Variants in CA14 observed in about 807,000 individuals in gnomAD.
CA14 encodes carbonic anhydrase 14, also known as CA-XIV.
In CA14, 44 loss-of-function variants were observed where a neutral mutation model predicts 48.8. The observed-to-expected ratio is 0.90, with a 90% confidence interval of 0.71 to 1.16. The LOEUF (loss-of-function observed/expected upper bound fraction) is 1.16. CA14 is among the 50% of genes most tolerant of loss of function. CA14 has a pLI of 0.00. For missense variants in CA14, 386 were observed against 401.0 expected, an observed-to-expected ratio of 0.96 and a Z score of 0.32; for synonymous variants, 154 against 155.0, an observed-to-expected ratio of 0.99 and a Z score of 0.05.
chr1:150,264,581 T>A lies in CA14; in HGVS notation c.948-12T>A. On this transcript the variant is annotated splice_polypyrimidine_tract_variant and intron_variant, in intron 10 of 10. Coordinates refer to ENST00000369111, the MANE Select transcript of CA14 (RefSeq NM_012113.3). Reference sequence around the variant, plus strand: ...GATAGCAGTCATTCTCATGAGCCATTCCCCTTTCCAGGAAGAAGAGGCTGG... The same window carrying A: ...GATAGCAGTCATTCTCATGAGCCATACCCCTTTCCAGGAAGAAGAGGCTGG... 2.6e-6 allele frequency: 4 copies of A among 1,534,736 alleles called. No homozygotes were observed. The highest frequency in any genetic ancestry group is 3.6e-6 in the Non-Finnish European group (4 of 1,107,900).
chr1:150,263,821 T>C lies in CA14; in HGVS notation c.890T>C (p.Ile297Thr), dbSNP rs1405806239. 1 of 1,613,992 alleles carries C rather than the reference T, an allele frequency of 6.2e-7. No homozygotes were observed. Among genetic ancestry groups the C allele is most frequent in the Admixed American group, 1.7e-5 (1 of 59,998 alleles). Residue 297 changes from isoleucine to threonine, a missense_variant, in exon 10 of 11, where the codon ATC (isoleucine) becomes ACC (threonine). Coordinates refer to ENST00000369111, the MANE Select transcript of CA14 (RefSeq NM_012113.3). ...GAAATGCTGAGTCTAGGTGTAGGAATCTTGGTTGGCTGTCTCTGCCTTCTC... is the reference window on the plus strand; with the variant it reads ...GAAATGCTGAGTCTAGGTGTAGGAACCTTGGTTGGCTGTCTCTGCCTTCTC... ...TGEMLSLGVG[I>T]LVGCLCLLLA...
At chr1:150,260,251 GGGA>G (rs782584258) in intron 2 of CA14, 80 bp downstream of exon 2, 17 of 1,405,972 alleles carry the variant, frequency 1.2e-5, no homozygotes, top group Non-Finnish European at 1.6e-5. Context: ...CTGTGCGGGT[GGGA>G]GGAGACTTCC....
Position 150,257,958 on chromosome 1 carries a change from C to T in CA14, c.-171C>T. The T allele has an allele frequency of 2.2e-6, 1 of 450,290 alleles. No individual in the cohort carries two copies. The highest frequency in any genetic ancestry group is 4.0e-6 in the Non-Finnish European group (1 of 247,244). The allele number at this position is 450,290 out of a possible 1,614,324, so 27.9% of individuals were successfully genotyped here. On this transcript the variant is annotated 5_prime_UTR_variant, in exon 1 of 11. Transcript: ENST00000369111. ...GATACCCTACTGAACACCGAATCCCCTGGAAGCCCACAGAGACAGAGACAG... is the reference window on the plus strand; with the variant it reads ...GATACCCTACTGAACACCGAATCCCTTGGAAGCCCACAGAGACAGAGACAG...
intron 2 of CA14, 134 bp from the exon 3 acceptor site, chr1:150,261,324 TG>T: frequency 1.4e-6 from 1 of 733,114 alleles, no homozygotes; most frequent in East Asian, 2.7e-5. Context: ...GGTCTTAACC[TG>T]GGTGGAGGGA....
chr1:150,259,572 G>A (rs1553847338), intron 1 of CA14, among the ~76,000 whole-genome samples: 1 of 151,970 alleles, frequency 6.6e-6, no homozygotes, highest in African/African-American at 2.4e-5. Context: ...TCCTGGTGAT[G>A]AGGAGTTTCC....
rs1553848091 is a variant in CA14 at position 150,262,519 on chromosome 1, C to T, written c.400-6C>T. 6.2e-7 allele frequency: 1 copy of T among 1,611,038 alleles called. No homozygotes were observed. The highest frequency in any genetic ancestry group is 1.3e-5 in the African/African-American group (1 of 74,812). On this transcript the variant is annotated splice_polypyrimidine_tract_variant and splice_region_variant and intron_variant, in intron 4 of 10. Coordinates refer to ENST00000369111, the MANE Select transcript of CA14 (RefSeq NM_012113.3). ...CCATGATTCAATTCCCTCTTCCTTC[C>T]TTTAGCTCCACATTGTACATTATGA... is the stretch of plus-strand genomic sequence containing the variant.
chr1:150,258,753 GGAGCTCCCAGGA>G (rs1431449825), intron 1 of CA14, among the ~76,000 whole-genome samples: 3 of 152,210 alleles, frequency 2.0e-5, no homozygotes, highest in Non-Finnish European at 4.4e-5. Flanking sequence ...AGGACTTTCA[GGAGCTCCCAGGA>G]GATGAGGAGG....
At chr1:150,261,753 C>T (rs797042302) in intron 3 of CA14, 115 bp downstream of exon 3, 2 of 925,986 alleles carry the variant, frequency 2.2e-6, no homozygotes, top group African/African-American at 1.7e-5. Flanking sequence ...TAAGATGTGC[C>T]GCCCTCAAAT....
intron 2 of CA14, chr1:150,260,482 C>T: frequency 2.1e-6 from 1 of 477,022 alleles, no homozygotes; most frequent in Admixed American, 3.1e-5. Flanking sequence ...CTCCTTCTGG[C>T]TCCGTCTATC....
chr1:150,260,754 A>T (rs1209963803), intron 2 of CA14: 135,626 of 136,340 alleles, frequency 0.99, 67,505 homozygotes, highest in East Asian at 1. Flanking sequence ...TCTCTAGGTT[A>T]TTTTTTTTTT....
At position 150,264,744 on chromosome 1, in the gene CA14, G is replaced by A; in HGVS notation, c.*85G>A. ...TAAAATGGGGTGTAGGATCTGGCCA[G>A]AAACACTGTAGGAGTAGTAAGCAGA... On this transcript the variant is annotated 3_prime_UTR_variant, in exon 11 of 11. Coordinates refer to ENST00000369111, the MANE Select transcript of CA14 (RefSeq NM_012113.3). 1 of 1,011,542 alleles carries A rather than the reference G, an allele frequency of 9.9e-7. No homozygotes were observed. The highest frequency in any genetic ancestry group is 1.4e-5 in the South Asian group (1 of 70,356). The allele number at this position is 1,011,542 out of a possible 1,614,324, so 62.7% of individuals were successfully genotyped here. A position where few individuals can be genotyped will look rare whatever the true frequency, so the allele number is the denominator to read the frequency against.
chr1:150,261,550 A>T lies in CA14; in HGVS notation c.168A>T (p.Thr56=). Residue 56 remains threonine, a synonymous_variant, in exon 3 of 11, where the codon ACA becomes ACT. Transcript: ENST00000369111. Reference sequence around the variant, plus strand: ...TCGATATTCAGACAGACAGTGTGACATTTGACCCTGATTTGCCTGCTCTGC... The same window carrying T: ...TCGATATTCAGACAGACAGTGTGACTTTTGACCCTGATTTGCCTGCTCTGC... ...SPIDIQTDSV[T]FDPDLPALQP... is the part of the protein sequence containing the mutation. The T allele has an allele frequency of 6.2e-7, 1 of 1,614,184 alleles. No individual in the cohort carries two copies. Among genetic ancestry groups the T allele is most frequent in the Non-Finnish European group, 8.5e-7 (1 of 1,180,034 alleles).
chr1:150,258,069 G>T lies in CA14; in HGVS notation c.-60G>T. ...CTCACTCCTCCCTCCCTCTCTCTCT[G>T]CCTGTCCTAGTCCTCTAGTCCTCAA... On this transcript the variant is annotated 5_prime_UTR_variant, in exon 1 of 11. Transcript: ENST00000369111. 7.6e-7 allele frequency: 1 copy of T among 1,319,982 alleles called. No individual in the cohort carries two copies. The highest frequency in any genetic ancestry group is 2.5e-5 in the East Asian group (1 of 40,430). The allele number at this position is 1,319,982 out of a possible 1,614,324, so 81.8% of individuals were successfully genotyped here. A position where few individuals can be genotyped will look rare whatever the true frequency, so the allele number is the denominator to read the frequency against.
chr1:150,262,028 T>C (rs911928300), intron 3 of CA14, 130 bp from the exon 4 acceptor site: 5 of 998,846 alleles, frequency 5.0e-6, no homozygotes, highest in Non-Finnish European at 6.2e-6. Flanking sequence ...CACTGGCCTA[T>C]GGGAGGAACT....
At position 150,264,678 on chromosome 1, in the gene CA14, T is replaced by C. The variant is rs1553849069; in HGVS notation, c.*19T>C. On this transcript the variant is annotated 3_prime_UTR_variant, in exon 11 of 11. Coordinates refer to ENST00000369111, the MANE Select transcript of CA14 (RefSeq NM_012113.3). ...GGCATAAATTCCTTCTCAGATACCA[T>C]GGATGTGGATGACTTCCCTTCATGC... 6 of 1,602,216 alleles carry C rather than the reference T, an allele frequency of 3.7e-6. No individual in the cohort carries two copies. The highest frequency in any genetic ancestry group is 1.7e-5 in the Admixed American group (1 of 59,418).
chr1:150,261,988 A>C (rs1418683864), intron 3 of CA14, among the ~76,000 whole-genome samples, 170 bp from the exon 4 acceptor site: 2 of 152,128 alleles, frequency 1.3e-5, no homozygotes, highest in African/African-American at 4.8e-5. Context: ...CTTGGTCTTC[A>C]CCAAGAAAAA....
chr1:150,258,229 C>T, intron 1 of CA14, 46 bp downstream of exon 1: 1 of 1,538,016 alleles, frequency 6.5e-7, no homozygotes, highest in Non-Finnish European at 8.9e-7. Context: ...CTGATGTTCA[C>T]ATGTCGCCAG....
At chr1:150,262,684 C>A in intron 5 of CA14, 64 bp downstream of exon 5, 1 of 1,427,366 alleles carries the variant, frequency 7.0e-7, no homozygotes, top group Non-Finnish European at 9.9e-7. Context: ...AAACCTATTT[C>A]TGTTGCTGGC....
At chr1:150,263,546 A>G in intron 8 of CA14, 113 bp from the exon 9 acceptor site, 5 of 1,610,118 alleles carry the variant, frequency 3.1e-6, no homozygotes, top group Non-Finnish European at 4.2e-6. Flanking sequence ...CTGGGAACCA[A>G]CCCCCACCCC....
Sources: gnomAD v4.1 joint callset for allele counts (sites outside exome capture counted in the v4.1 genomes callset) on GRCh38, gnomAD v4.1.1 for gene constraint, MANE v1.5 for transcripts, NCBI Gene and HGNC (gene_info 2026-07-23, HGNC 2026-07-21) for gene names.